Variants in DLGAP2 observed in about 807,000 individuals in gnomAD.
DLGAP2 encodes DLG associated protein 2.
Under a neutral mutation model 100.3 loss-of-function variants are expected in DLGAP2, and 26 were observed. The ratio of observed to expected loss-of-function variants is 0.26; its 90% CI spans 0.19 to 0.36. The LOEUF (loss-of-function observed/expected upper bound fraction) is 0.36. Ranked by LOEUF, DLGAP2 falls within the 10% of genes least tolerant of loss-of-function variation. The pLI is 1.00. For synonymous variants in DLGAP2, 886 were observed against 630.1 expected (o/e 1.41, Z -6.08); for missense variants, 1,858 against 1,453.2 (o/e 1.28, Z -4.53).
chr8:1,443,001 G>C (rs1797881814), intron 3 of DLGAP2, among the ~76,000 whole-genome samples: 1 of 152,214 alleles, frequency 6.6e-6, no homozygotes, highest in Admixed American at 6.5e-5. Context: ...TTGTAGTTAA[G>C]ATTTTAAAAT....
At chr8:1,203,697 C>T (rs2082319839) in intron 2 of DLGAP2, among the ~76,000 whole-genome samples, 1 of 152,206 alleles carries the variant, frequency 6.6e-6, no homozygotes, top group South Asian at 2.1e-4. Flanking sequence ...TCCCCTTATT[C>T]TCGCTCTATA....
intron 10 of DLGAP2, among the ~76,000 whole-genome samples, chr8:1,675,138 G>A (rs1487160010): frequency 2.6e-5 from 4 of 152,214 alleles, no homozygotes; most frequent in African/African-American, 4.8e-5. Context: ...TCTCGGGACC[G>A]CTTCTGCGCC....
chr8:951,486 G>A (rs1444205289), intron 2 of DLGAP2, among the ~76,000 whole-genome samples: 1 of 152,118 alleles, frequency 6.6e-6, no homozygotes, highest in African/African-American at 2.4e-5. Flanking sequence ...CCTGACCTCA[G>A]GTGATCTGCC....
In DLGAP2 at chr8:1,418,013, A is replaced by G. The variant is rs547330246; in HGVS notation, c.107-83353A>G. Reference sequence around the variant, plus strand: ...AGCACGTTTGGAGAATGGGCTCTACAGTCCCGTTCTGGACAGTGGAAGTGG... The same window carrying G: ...AGCACGTTTGGAGAATGGGCTCTACGGTCCCGTTCTGGACAGTGGAAGTGG... On this transcript the variant is annotated intron_variant, in intron 3 of 14. Coordinates refer to ENST00000637795, the MANE Select transcript of DLGAP2 (RefSeq NM_001346810.2). Among the ~76,000 whole-genome samples the G allele has an allele frequency of 7.2e-5, 11 of 152,346 alleles. No individual in the cohort carries two copies. The East Asian group carries it at 2.1e-3, about 29-fold the overall frequency.
chr8:1,415,677 GTA>G (rs1342880584), intron 3 of DLGAP2, among the ~76,000 whole-genome samples: 3 of 152,216 alleles, frequency 2.0e-5, no homozygotes, highest in Admixed American at 1.3e-4. Context: ...ATTTCGTGGT[GTA>G]TAGGTAGCAC....
At chr8:738,944 C>T (rs905199621) in intron 1 of DLGAP2, 2 of 153,294 alleles carry the variant, frequency 1.3e-5, no homozygotes, top group South Asian at 1.8e-4. Context: ...TCGCGGCCCC[C>T]GGTCCCGGCC....
chr8:1,530,645 C>G (rs1474583659), intron 4 of DLGAP2, among the ~76,000 whole-genome samples: 6 of 152,208 alleles, frequency 3.9e-5, no homozygotes, highest in Admixed American at 6.5e-5. Context: ...TGTTTAGAGA[C>G]TGCAGTAAAG....
At chr8:1,262,221 C>G (rs1216388062) in intron 3 of DLGAP2, among the ~76,000 whole-genome samples, 1 of 152,160 alleles carries the variant, frequency 6.6e-6, no homozygotes, top group Admixed American at 6.5e-5. Context: ...TGGGGAATCT[C>G]TACGATGGTG....
At chr8:840,986 C>A (rs948872994) in intron 1 of DLGAP2, among the ~76,000 whole-genome samples, 2 of 152,198 alleles carry the variant, frequency 1.3e-5, no homozygotes, top group Non-Finnish European at 1.5e-5. Context: ...CTGGTGATGT[C>A]AGAAAGTATT....
intron 2 of DLGAP2, among the ~76,000 whole-genome samples, chr8:1,141,794 A>C (rs1796526624): frequency 6.6e-6 from 1 of 152,156 alleles, no homozygotes; most frequent in African/African-American, 2.4e-5. Context: ...GAAAAAAATG[A>C]CTCAAGGCTG....
chr8:1,661,446 T>C (rs1024053235), intron 8 of DLGAP2, among the ~76,000 whole-genome samples: 2 of 152,064 alleles, frequency 1.3e-5, no homozygotes, highest in African/African-American at 4.8e-5. Context: ...AGACAGCGAG[T>C]ATTGCCAGGG....
At chr8:1,277,284 G>C (rs1010516841) in intron 3 of DLGAP2, among the ~76,000 whole-genome samples, 1 of 151,992 alleles carries the variant, frequency 6.6e-6, no homozygotes, top group African/African-American at 2.4e-5. Context: ...TGCCTATGTA[G>C]CCCCCCCAGT....
rs1166630149 is a variant in DLGAP2, at chr8:1,549,117, C to T, written c.664C>T (p.Arg222Cys). The change falls in exon 5 of 15, where the codon CGC (arginine) becomes TGC (cysteine). Residue 222 changes from arginine to cysteine, a missense_variant. Arg to Cys is a radical substitution (Grantham distance 180). Transcript: ENST00000637795. ...GAGGACGTCCGCGGCCGCCGAGCAGCGCAGCGAGAGCCCCGGGCGGATCCG... is the reference window on the plus strand; with the variant it reads ...GAGGACGTCCGCGGCCGCCGAGCAGTGCAGCGAGAGCCCCGGGCGGATCCG... Reference protein sequence around the residue: ...YQRTSAAAEQRSESPGRIRHL... With the variant: ...YQRTSAAAEQCSESPGRIRHL... 2 of 1,587,762 alleles carry T rather than the reference C, an allele frequency of 1.3e-6. No homozygotes were observed. The highest frequency in any genetic ancestry group is 2.3e-5 in the South Asian group (2 of 88,244).
intron 3 of DLGAP2, among the ~76,000 whole-genome samples, chr8:1,352,914 C>G (rs1801768450): frequency 6.6e-6 from 1 of 152,176 alleles, no homozygotes; most frequent in South Asian, 2.1e-4. Context: ...CTCCGGTCTT[C>G]CAGCTCAGCC....
chr8:973,483 G>A (rs1364988222), intron 2 of DLGAP2, among the ~76,000 whole-genome samples: 5 of 152,050 alleles, frequency 3.3e-5, no homozygotes, highest in Admixed American at 3.3e-4. Context: ...CGGGGTGGTG[G>A]GGCAGGAGGC....
chr8:1,292,399 C>T (rs1479821265), intron 3 of DLGAP2, among the ~76,000 whole-genome samples: 1 of 152,180 alleles, frequency 6.6e-6, no homozygotes, highest in Non-Finnish European at 1.5e-5. Context: ...TCAGGGAGAG[C>T]TGCCTCCAGT....
intron 2 of DLGAP2, among the ~76,000 whole-genome samples, chr8:1,008,826 G>C (rs953801973): frequency 6.6e-6 from 1 of 152,244 alleles, no homozygotes; most frequent in African/African-American, 2.4e-5. Context: ...AACTGGGAGA[G>C]GGGCCCCGGG....
At chr8:818,975 C>T (rs1355578236) in intron 1 of DLGAP2, among the ~76,000 whole-genome samples, 1 of 152,190 alleles carries the variant, frequency 6.6e-6, no homozygotes, top group Non-Finnish European at 1.5e-5. Context: ...ACAAGAGGAA[C>T]TGGCTCAGAT....
chr8:827,878 G>T (rs1423282187), intron 1 of DLGAP2, among the ~76,000 whole-genome samples: 1 of 152,138 alleles, frequency 6.6e-6, no homozygotes, highest in Non-Finnish European at 1.5e-5. Flanking sequence ...GCTGGCTTGA[G>T]AAATAAAAGG....
Sources: gnomAD v4.1 joint callset for allele counts (sites outside exome capture counted in the v4.1 genomes callset) on GRCh38, gnomAD v4.1.1 for gene constraint, MANE v1.5 for transcripts, NCBI Gene and HGNC (gene_info 2026-07-23, HGNC 2026-07-21) for gene names.